Variants in CEP41 observed in about 807,000 individuals in gnomAD.
CEP41 encodes centrosomal protein 41.
A neutral mutation model predicts 44.3 loss-of-function variants in CEP41; 32 were observed. The observed-to-expected ratio is 0.72, with a 90% confidence interval of 0.54 to 0.97. The LOEUF is 0.97. CEP41 is among the 50% of genes least tolerant of loss of function. The pLI is 0.00. For synonymous variants in CEP41, 151 were observed against 168.5 expected (o/e 0.90, Z 0.80); for missense variants, 432 against 455.2 (o/e 0.95, Z 0.46).
At chr7:130,403,181 G>C (rs1033188186) in intron 6 of CEP41, among the ~76,000 whole-genome samples, 17 of 152,162 alleles carry the variant, frequency 1.1e-4, no homozygotes, top group Admixed American at 9.2e-4. Context: ...TGGTTGGTAG[G>C]ACAGGAAAAA....
intron 2 of CEP41, chr7:130,419,440 A>G: frequency 1.6e-5 from 16 of 985,274 alleles, no homozygotes; most frequent in Non-Finnish European, 1.9e-5. Context: ...ATCTTACTGT[A>G]TCTAATTGCA....
chr7:130,401,469 T>C (rs1328328323), intron 8 of CEP41, among the ~76,000 whole-genome samples: 1 of 61,404 alleles, frequency 1.6e-5, no homozygotes, highest in African/African-American at 8.1e-5. Flanking sequence ...TGTGTGATTA[T>C]AAGATATTTC....
chr7:130,394,277 G>A lies in CEP41; in HGVS notation c.*4614C>T. The stretch of plus-strand genomic sequence containing the variant: ...TTGGTCAGAGACTGAAGGCAAACCT[G>A]AGTCACTTAATTTCTACCCGAACCT... On this transcript the variant is annotated 3_prime_UTR_variant, in exon 11 of 11. Transcript: ENST00000223208. 2.2e-6 allele frequency: 1 copy of A among 454,076 alleles called. No individual in the cohort carries two copies. Among genetic ancestry groups the A allele is most frequent in the Non-Finnish European group, 4.4e-6 (1 of 226,788 alleles). 28.1% of individuals were successfully genotyped at this position (454,076 alleles called of 1,614,324 possible).
intron 4 of CEP41, 54 bp from the exon 5 acceptor site, chr7:130,411,245 C>G (rs1554419667): frequency 2.8e-6 from 4 of 1,439,992 alleles, no homozygotes; most frequent in African/African-American, 1.4e-5. Flanking sequence ...TAAACAGACG[C>G]AATTTTGTCT....
Position 130,412,325 on chromosome 7 carries a change from A to G in CEP41, c.146-85T>C. 2.3e-5 allele frequency: 17 copies of G among 752,140 alleles called. No individual in the cohort carries two copies. The South Asian group carries it at 2.5e-4, about 11-fold the overall frequency. The allele number at this position is 752,140 out of a possible 1,614,324, so 46.6% of individuals were successfully genotyped here. Reference sequence around the variant, plus strand: ...AGTTGTCAAGTGACGTGGTCTTTCAAGTTATTTATATGCTTTTACATCTAT... The same window carrying G: ...AGTTGTCAAGTGACGTGGTCTTTCAGGTTATTTATATGCTTTTACATCTAT... On this transcript the variant is annotated intron_variant, in intron 3 of 10. Coordinates refer to ENST00000223208, the MANE Select transcript of CEP41 (RefSeq NM_018718.3).
chr7:130,427,864 G>C (rs1554424061), intron 2 of CEP41, 91 bp downstream of exon 2: 2 of 821,006 alleles, frequency 2.4e-6, no homozygotes, highest in Non-Finnish European at 2.1e-6. Flanking sequence ...GAAACTTTTA[G>C]CTGTGATTTA....
At chr7:130,409,022 A>G (rs1797095787) in intron 5 of CEP41, among the ~76,000 whole-genome samples, 1 of 152,246 alleles carries the variant, frequency 6.6e-6, no homozygotes, top group Non-Finnish European at 1.5e-5. Context: ...AGAGGAGGAA[A>G]GCGGACCAAA....
In CEP41 at chr7:130,395,040, G is replaced by T. The variant is rs1026084539; in HGVS notation, c.*3851C>A. The T allele has an allele frequency of 2.2e-6, 1 of 453,914 alleles. No homozygotes were observed. The highest frequency in any genetic ancestry group is 4.4e-6 in the Non-Finnish European group (1 of 226,774). The allele number at this position is 453,914 out of a possible 1,614,324, so 28.1% of individuals were successfully genotyped here. ...ATCACAATGTGACAGACACCGTTTC[G>T]AAAACACATAAAATCATGCACCGAA... On this transcript the variant is annotated 3_prime_UTR_variant, in exon 11 of 11. Coordinates refer to ENST00000223208, the MANE Select transcript of CEP41 (RefSeq NM_018718.3).
In CEP41 at chr7:130,397,676, G is replaced by A. The variant is rs952370359; in HGVS notation, c.*1215C>T. The A allele has an allele frequency of 8.8e-6, 4 of 454,080 alleles. No individual in the cohort carries two copies. Among genetic ancestry groups the A allele is most frequent in the Non-Finnish European group, 1.8e-5 (4 of 226,758 alleles). 28.1% of individuals were successfully genotyped at this position (454,080 alleles called of 1,614,324 possible). On this transcript the variant is annotated 3_prime_UTR_variant, in exon 11 of 11. Coordinates refer to ENST00000223208, the MANE Select transcript of CEP41 (RefSeq NM_018718.3). ...TTCCTCAGTCCCTTATCACAGCTAC[G>A]ATCACAGACCATAAAAATTAACACC...
At chr7:130,436,091 T>C (rs1264583766) in intron 1 of CEP41, among the ~76,000 whole-genome samples, 1 of 152,086 alleles carries the variant, frequency 6.6e-6, no homozygotes, top group Non-Finnish European at 1.5e-5. Context: ...GCAGCAGAGG[T>C]TGCAGTGAGC....
rs1554417749 is a variant in CEP41 at position 130,404,546 on chromosome 7, T to C, written c.422+18A>G. The C allele has an allele frequency of 1.2e-6, 2 of 1,610,822 alleles. No homozygotes were observed. The highest frequency in any genetic ancestry group is 2.7e-5 in the African/African-American group (2 of 74,848). On this transcript the variant is annotated intron_variant, in intron 6 of 10. Transcript: ENST00000223208. ...ATAAAGGCAAAATGCAGTGAAAATATGAATCAGCTTCGAGTACCTCTGAAG... is the reference window on the plus strand; with the variant it reads ...ATAAAGGCAAAATGCAGTGAAAATACGAATCAGCTTCGAGTACCTCTGAAG...
Position 130,402,739 on chromosome 7 carries a change from G to T in CEP41, c.483C>A (p.Pro161=). The T allele has an allele frequency of 6.2e-7, 1 of 1,614,140 alleles. No individual in the cohort carries two copies. The highest frequency in any genetic ancestry group is 8.5e-7 in the Non-Finnish European group (1 of 1,180,008). Residue 161 remains proline, a synonymous_variant, in exon 7 of 11, where the codon CCC becomes CCA. Coordinates refer to ENST00000223208, the MANE Select transcript of CEP41 (RefSeq NM_018718.3). ...LDKGPVKKAE[P]HTKDKPYPDC... ...CAGGATAAGGTTTGTCTTTGGTATG[G>T]GGCTCTGCTTTCTTCACTGGCCCTT...
chr7:130,424,110 AGAAAGGCTGG>A (rs1413186342), intron 2 of CEP41, among the ~76,000 whole-genome samples: 1 of 152,190 alleles, frequency 6.6e-6, no homozygotes, highest in Non-Finnish European at 1.5e-5. Flanking sequence ...ATAAAGAAAA[AGAAAGGCTGG>A]GCACTGTAGC....
Position 130,398,563 on chromosome 7 carries a change from A to G in CEP41, c.*328T>C, listed in dbSNP as rs1004016465. 3 of 484,306 alleles carry G rather than the reference A, an allele frequency of 6.2e-6. No individual in the cohort carries two copies. Among genetic ancestry groups the G allele is most frequent in the Non-Finnish European group, 1.2e-5 (3 of 247,090 alleles). The allele number at this position is 484,306 out of a possible 1,614,324, so 30.0% of individuals were successfully genotyped here. Reference sequence around the variant, plus strand: ...AACACAGAGAGACCCAACAAGCTGGACCTTATTAAAAAAAAACAAAACAAA... The same window carrying G: ...AACACAGAGAGACCCAACAAGCTGGGCCTTATTAAAAAAAAACAAAACAAA... On this transcript the variant is annotated 3_prime_UTR_variant, in exon 11 of 11. Transcript: ENST00000223208.
intron 3 of CEP41, among the ~76,000 whole-genome samples, chr7:130,415,787 T>A (rs1797317608): frequency 6.6e-6 from 1 of 152,116 alleles, no homozygotes; most frequent in African/African-American, 2.4e-5. Context: ...ATGGCAACAA[T>A]GAAGTGTAGG....
Position 130,411,102 on chromosome 7 carries a change from A to C in CEP41, c.277+20T>G. The C allele has an allele frequency of 6.2e-7, 1 of 1,610,304 alleles. No homozygotes were observed. Among genetic ancestry groups the C allele is most frequent in the Non-Finnish European group, 8.5e-7 (1 of 1,176,546 alleles). On this transcript the variant is annotated intron_variant, in intron 5 of 10. Transcript: ENST00000223208. ...AAATGGTCAGCCTGTTATTTTCCCC[A>C]CACCCTCAATTCTCATTACCTTCCA...
At chr7:130,419,958 C>A (rs566194459) in intron 2 of CEP41, 2 of 973,448 alleles carry the variant, frequency 2.1e-6, no homozygotes, top group Non-Finnish European at 1.2e-6. Context: ...CGTACACACA[C>A]ACACACACAC....
At chr7:130,421,722 A>G in intron 2 of CEP41, 1 of 1,175,162 alleles carries the variant, frequency 8.5e-7, no homozygotes. Context: ...GAATTTCAGA[A>G]AGCTAAAGAA....
intron 1 of CEP41, among the ~76,000 whole-genome samples, chr7:130,431,168 T>G (rs1797811966): frequency 6.8e-6 from 1 of 147,812 alleles, no homozygotes; most frequent in African/African-American, 2.5e-5. Context: ...CCATAGATTT[T>G]ATGGGACTGA....
Sources: gnomAD v4.1 joint callset for allele counts (sites outside exome capture counted in the v4.1 genomes callset) on GRCh38, gnomAD v4.1.1 for gene constraint, MANE v1.5 for transcripts, NCBI Gene and HGNC (gene_info 2026-07-23, HGNC 2026-07-21) for gene names.